The following TUSC3 variants were observed in gnomAD, a reference collection of about 807,000 sequenced individuals.
TUSC3 encodes tumor suppressor candidate 3.
In TUSC3, 45 loss-of-function variants were observed where a neutral mutation model predicts 44.8. The ratio of observed to expected loss-of-function variants is 1.00; its 90% confidence interval spans 0.79 to 1.29. The LOEUF is 1.29. Ranked by LOEUF, TUSC3 falls within the 50% of genes most tolerant of loss-of-function variation. TUSC3 has a pLI of 0.00. For missense variants in TUSC3, 519 were observed against 437.9 expected (o/e 1.19, Z -1.65); for synonymous variants, 212 against 152.9 (o/e 1.39, Z -2.85).
At chr8:15,627,094 C>T (rs949761506) in intron 2 of TUSC3, among the ~76,000 whole-genome samples, 2 of 152,202 alleles carry the variant, frequency 1.3e-5, no homozygotes, top group Admixed American at 1.3e-4. Flanking sequence ...AAACCTCAGA[C>T]TCAGCCAGAC....
intron 6 of TUSC3, among the ~76,000 whole-genome samples, chr8:15,721,474 C>A (rs530196816): frequency 6.6e-6 from 1 of 152,086 alleles, no homozygotes; most frequent in South Asian, 2.1e-4. Context: ...AATGGACACA[C>A]ACACAGAGAT....
At chr8:15,840,634 A>T in the TUSC3 span, among the ~76,000 whole-genome samples, 1 of 152,134 alleles carries the variant, frequency 6.6e-6, no homozygotes, top group African/African-American at 2.4e-5. Context: ...AAAAATCAAT[A>T]GTTTTATAAT....
chr8:15,732,418 A>G (rs1024990091), intron 7 of TUSC3, among the ~76,000 whole-genome samples: 3 of 152,082 alleles, frequency 2.0e-5, no homozygotes, highest in African/African-American at 7.2e-5. Context: ...TGTGCCTTTC[A>G]CCATGATTGT....
intron 6 of TUSC3, among the ~76,000 whole-genome samples, chr8:15,695,102 G>T (rs1363011260): frequency 6.6e-6 from 1 of 152,324 alleles, no homozygotes; most frequent in East Asian, 1.9e-4. Context: ...ACTAGTGTCA[G>T]TGCAGTGGTG....
At chr8:15,534,643 T>TAAAA (rs11385742) in intron 2 of TUSC3, among the ~76,000 whole-genome samples, 1 of 129,882 alleles carries the variant, frequency 7.7e-6, no homozygotes, top group Non-Finnish European at 1.6e-5. Flanking sequence ...ACTCGGTCTT[T>TAAAA]AAAAAAAAAA....
At chr8:15,697,796 T>A (rs896213039) in intron 6 of TUSC3, among the ~76,000 whole-genome samples, 2 of 152,232 alleles carry the variant, frequency 1.3e-5, no homozygotes, top group Non-Finnish European at 2.9e-5. Context: ...AGAAATTGTT[T>A]TAGATTTGTT....
intron 2 of TUSC3, among the ~76,000 whole-genome samples, chr8:15,648,191 T>C (rs1270930949): frequency 1.3e-5 from 2 of 152,244 alleles, no homozygotes; most frequent in Non-Finnish European, 2.9e-5. Context: ...CTGTGAATTT[T>C]ATTCGACTCT....
At chr8:15,712,893 C>T (rs1385907191) in intron 6 of TUSC3, among the ~76,000 whole-genome samples, 1 of 152,044 alleles carries the variant, frequency 6.6e-6, no homozygotes, top group Non-Finnish European at 1.5e-5. Context: ...CTGGTTCACT[C>T]CTCGGTACAG....
intron 6 of TUSC3, among the ~76,000 whole-genome samples, chr8:15,680,453 T>C (rs1470003124): frequency 6.6e-6 from 1 of 152,156 alleles, no homozygotes; most frequent in African/African-American, 2.4e-5. Context: ...GATTGATTCC[T>C]GAAACTTTAC....
the TUSC3 span, among the ~76,000 whole-genome samples, chr8:15,791,844 C>T: frequency 6.6e-6 from 1 of 152,146 alleles, no homozygotes; most frequent in Non-Finnish European, 1.5e-5. Flanking sequence ...CACTCCAGCT[C>T]ATCAACTGGG....
intron 9 of TUSC3, 122 bp from the exon 10 acceptor site, chr8:15,757,669 C>G: frequency 2.7e-6 from 3 of 1,105,566 alleles, no homozygotes; most frequent in Non-Finnish European, 4.0e-6. Flanking sequence ...ATCGTCTATC[C>G]CCTGTCTTAT....
At chr8:15,630,093 T>G (rs971413629) in intron 2 of TUSC3, among the ~76,000 whole-genome samples, 10 of 152,200 alleles carry the variant, frequency 6.6e-5, no homozygotes, top group African/African-American at 2.4e-4. Flanking sequence ...TCCTACAAAG[T>G]TACTCATCTC....
chr8:15,641,798 G>C (rs1401806591), intron 2 of TUSC3, among the ~76,000 whole-genome samples: 1 of 152,144 alleles, frequency 6.6e-6, no homozygotes, highest in East Asian at 1.9e-4. Flanking sequence ...ATAATAATAG[G>C]TGTAGTGTTA....
At chr8:15,815,051 A>G in the TUSC3 span, among the ~76,000 whole-genome samples, 1 of 152,204 alleles carries the variant, frequency 6.6e-6, no homozygotes, top group African/African-American at 2.4e-5. Flanking sequence ...GTAACGAGAT[A>G]TAAGTAATGA....
chr8:15,504,594 T>G (rs1801020095), intron 2 of TUSC3, among the ~76,000 whole-genome samples: 6 of 19,328 alleles, frequency 3.1e-4, no homozygotes, highest in East Asian at 1.7e-3. Flanking sequence ...TATATATATA[T>G]ATATATATAT....
chr8:15,474,759 GA>G (rs1800551695), intron 1 of TUSC3, among the ~76,000 whole-genome samples: 1 of 152,056 alleles, frequency 6.6e-6, no homozygotes. Context: ...AAAAATAAGT[GA>G]AATAGCCAGG....
chr8:15,705,224 G>C (rs912132000), intron 6 of TUSC3, among the ~76,000 whole-genome samples: 21 of 151,782 alleles, frequency 1.4e-4, no homozygotes, highest in African/African-American at 5.1e-4. Flanking sequence ...ATGATGAAAG[G>C]AAGCACTGCT....
At chr8:15,508,878 C>T (rs1801096277) in intron 2 of TUSC3, among the ~76,000 whole-genome samples, 1 of 152,166 alleles carries the variant, frequency 6.6e-6, no homozygotes, top group African/African-American at 2.4e-5. Flanking sequence ...TAATATATTA[C>T]CTTAATTCTT....
intron 9 of TUSC3, among the ~76,000 whole-genome samples, chr8:15,754,745 A>G (rs1034048646): frequency 2.6e-5 from 4 of 151,960 alleles, no homozygotes; most frequent in East Asian, 1.9e-4. Flanking sequence ...GACTGTATCC[A>G]TAATTATCTT....
Sources: gnomAD v4.1 joint callset for allele counts (sites outside exome capture counted in the v4.1 genomes callset) on GRCh38, gnomAD v4.1.1 for gene constraint, MANE v1.5 for transcripts, NCBI Gene and HGNC (gene_info 2026-07-23, HGNC 2026-07-21) for gene names.